Variants in IFT80 observed in about 807,000 individuals in gnomAD.
The protein encoded by IFT80 is intraflagellar transport protein 80 homolog.
IFT80 carries 79 observed loss-of-function variants against 107.9 expected under a neutral mutation model. That is an observed-to-expected ratio of 0.73 (90% CI 0.61 to 0.88). The LOEUF (loss-of-function observed/expected upper bound fraction) is 0.88, where lower values mean the gene tolerates loss of function less well. IFT80 is among the 40% of genes least tolerant of loss of function. The pLI is 0.00. For synonymous variants in IFT80, 299 were observed against 300.9 expected (o/e 0.99, Z 0.07); for missense variants, 797 against 914.2 (o/e 0.87, Z 1.65).
chr3:160,385,624 C>A (rs1712868762), intron 1 of IFT80, among the ~76,000 whole-genome samples: 1 of 152,198 alleles, frequency 6.6e-6, no homozygotes, highest in South Asian at 2.1e-4. Context: ...CTTTTCACTT[C>A]TTTCTCTTCC....
intron 9 of IFT80, among the ~76,000 whole-genome samples, chr3:160,310,941 G>A (rs1717197222): frequency 6.6e-6 from 1 of 152,106 alleles, no homozygotes; most frequent in Non-Finnish European, 1.5e-5. Context: ...GCAACAAGGT[G>A]AGACCCTGTC....
chr3:160,318,667 C>G (rs1717993987), intron 9 of IFT80, among the ~76,000 whole-genome samples: 1 of 152,066 alleles, frequency 6.6e-6, no homozygotes, highest in Non-Finnish European at 1.5e-5. Context: ...TCCGAACCTT[C>G]TTGTATTAAT....
intron 9 of IFT80, among the ~76,000 whole-genome samples, chr3:160,316,471 T>C (rs1049227560): frequency 6.6e-6 from 1 of 152,174 alleles, no homozygotes; most frequent in Non-Finnish European, 1.5e-5. Flanking sequence ...ATAATAATTG[T>C]TGCTGTTTAA....
At position 160,374,436 on chromosome 3, in the gene IFT80, A is replaced by C. The variant is rs138048858; in HGVS notation, c.439+1376T>G. Among the ~76,000 whole-genome samples the C allele has an allele frequency of 1.2e-4, 18 of 152,154 alleles. No homozygotes were observed. The East Asian group carries it at 3.5e-3, about 29-fold the overall frequency. ...AAAAAAAGAAAAAAGAAAAGAAAGA[A>C]AAAGAAAAAATCTTCCATGGTGGAT... On this transcript the variant is annotated intron_variant, in intron 5 of 19. Coordinates refer to ENST00000326448, the MANE Select transcript of IFT80 (RefSeq NM_020800.3).
At chr3:160,395,046 T>C (rs1180656446) in intron 1 of IFT80, among the ~76,000 whole-genome samples, 4 of 152,326 alleles carry the variant, frequency 2.6e-5, no homozygotes, top group Admixed American at 2.6e-4. Flanking sequence ...TTTTCAACAA[T>C]GCTCACAGTA....
chr3:160,343,643 T>C (rs1366433003), intron 8 of IFT80: 1 of 163,934 alleles, frequency 6.1e-6, no homozygotes, highest in African/African-American at 2.4e-5. Context: ...CTTATTTATT[T>C]TACTTACCAT....
At position 160,258,254 on chromosome 3, in the gene IFT80, C is replaced by T. The variant is rs1712511816; in HGVS notation, c.*271G>A. The stretch of plus-strand genomic sequence containing the variant: ...GAAGATTTAGGGATGAAGTAATGGG[C>T]AAAAAACTGACATATAATCGACACT... On this transcript the variant is annotated 3_prime_UTR_variant, in exon 20 of 20. Transcript: ENST00000326448. The T allele has an allele frequency of 2.4e-6, 1 of 424,020 alleles. No homozygotes were observed. Among genetic ancestry groups the T allele is most frequent in the African/African-American group, 2.0e-5 (1 of 49,342 alleles). 26.3% of individuals were successfully genotyped at this position (424,020 alleles called of 1,614,324 possible).
At chr3:160,369,013 C>T (rs960387595) in intron 5 of IFT80, among the ~76,000 whole-genome samples, 1 of 151,864 alleles carries the variant, frequency 6.6e-6, no homozygotes, top group African/African-American at 2.4e-5. Context: ...CTCTTTAGTC[C>T]TCTTAACTTT....
intron 5 of IFT80, among the ~76,000 whole-genome samples, chr3:160,370,341 T>G (rs1576883324): frequency 1.3e-5 from 2 of 152,140 alleles, no homozygotes; most frequent in Non-Finnish European, 2.9e-5. Context: ...AGCAAGCATT[T>G]GCTTACTGTA....
At chr3:160,277,164 T>C in intron 18 of IFT80, 142 bp downstream of exon 18, 1 of 761,450 alleles carries the variant, frequency 1.3e-6, no homozygotes. Context: ...TTGTAAACTA[T>C]TCACAAATAT....
At chr3:160,318,813 A>G (rs1718002885) in intron 9 of IFT80, among the ~76,000 whole-genome samples, 2 of 152,068 alleles carry the variant, frequency 1.3e-5, no homozygotes, top group South Asian at 4.1e-4. Context: ...GGTCAGTCTG[A>G]CCTTCCTCTA....
intron 6 of IFT80, among the ~76,000 whole-genome samples, chr3:160,363,546 G>A (rs1228716203): frequency 6.6e-6 from 1 of 152,118 alleles, no homozygotes; most frequent in African/African-American, 2.4e-5. Flanking sequence ...AAAAGAGCCT[G>A]CATTGCCAAG....
intron 15 of IFT80, 136 bp downstream of exon 15, chr3:160,280,531 A>G (rs1714604287): frequency 1.4e-6 from 1 of 709,662 alleles, no homozygotes; most frequent in South Asian, 1.7e-5. Context: ...AGCTAGCTTT[A>G]GCCGAACAAT....
intron 19 of IFT80, among the ~76,000 whole-genome samples, chr3:160,263,068 A>G (rs1712991687): frequency 6.6e-6 from 1 of 152,202 alleles, no homozygotes; most frequent in Admixed American, 6.5e-5. Flanking sequence ...ACAAAATGGT[A>G]TATTTTCATG....
chr3:160,310,159 T>C (rs1192966400), intron 9 of IFT80, among the ~76,000 whole-genome samples: 1 of 152,170 alleles, frequency 6.6e-6, no homozygotes, highest in Non-Finnish European at 1.5e-5. Context: ...AAGGCCCTCA[T>C]GGAAAAATGG....
intron 5 of IFT80, 88 bp downstream of exon 5, chr3:160,375,724 C>A: frequency 1.2e-6 from 1 of 843,926 alleles, no homozygotes; most frequent in Non-Finnish European, 2.0e-6. Flanking sequence ...GTCTCAACCA[C>A]CGTATTAGAT....
At chr3:160,317,827 G>A (rs1361210596) in intron 9 of IFT80, among the ~76,000 whole-genome samples, 3 of 151,912 alleles carry the variant, frequency 2.0e-5, no homozygotes, top group Non-Finnish European at 4.4e-5. Context: ...AGAGATAGAA[G>A]GGGACTCTTC....
chr3:160,362,456 A>T (rs1721562592), intron 6 of IFT80, among the ~76,000 whole-genome samples: 1 of 152,226 alleles, frequency 6.6e-6, no homozygotes, highest in Non-Finnish European at 1.5e-5. Context: ...AGGAGCTGGA[A>T]CCATTCCTTC....
intron 10 of IFT80, among the ~76,000 whole-genome samples, chr3:160,305,281 G>C (rs761168881): frequency 6.1e-4 from 93 of 152,204 alleles, no homozygotes; most frequent in Admixed American, 2.6e-3. Flanking sequence ...TAAGCAAACT[G>C]GTAGGCAACT....
Sources: gnomAD v4.1 joint callset for allele counts (sites outside exome capture counted in the v4.1 genomes callset) on GRCh38, gnomAD v4.1.1 for gene constraint, MANE v1.5 for transcripts, NCBI Gene and HGNC (gene_info 2026-07-23, HGNC 2026-07-21) for gene names.